Variants in RP1 observed in about 807,000 individuals in gnomAD.
RP1 encodes the protein oxygen-regulated protein 1.
Under a neutral mutation model 14.8 loss-of-function variants are expected in RP1, and 16 were observed. The ratio of observed to expected loss-of-function variants is 1.08; its 90% CI spans 0.73 to 1.65. The LOEUF (loss-of-function observed/expected upper bound fraction) is 1.65, where lower values mean the gene tolerates loss of function less well. Ranked by LOEUF, RP1 falls within the 40% of genes most tolerant of loss-of-function variation. RP1 has a pLI of 0.00. For synonymous variants in RP1, 876 were observed against 883.6 expected, an observed-to-expected ratio of 0.99 and a Z score of 0.15; for missense variants, 2,631 against 2,535.0, an observed-to-expected ratio of 1.04 and a Z score of -0.81.
At chr8:54,821,163 A>G (rs1031216618) in intron 24 of RP1, among the ~76,000 whole-genome samples, 3 of 152,212 alleles carry the variant, frequency 2.0e-5, no homozygotes, top group Non-Finnish European at 2.9e-5. Context: ...CAGAGAACAA[A>G]TGGTAAATAA....
intron 4 of RP1, chr8:54,649,214 A>G: frequency 8.1e-7 from 1 of 1,227,658 alleles, no homozygotes; most frequent in Admixed American, 3.5e-5. Flanking sequence ...CTTTGGAATG[A>G]ACATAGTCTA....
chr8:54,753,805 G>T (rs965707916), intron 19 of RP1, among the ~76,000 whole-genome samples: 4 of 152,156 alleles, frequency 2.6e-5, no homozygotes, highest in Non-Finnish European at 5.9e-5. Context: ...CTTGAAACAG[G>T]CTAAAGGCAG....
chr8:54,837,313 T>C (rs775323676), intron 24 of RP1: 1 of 400,678 alleles, frequency 2.5e-6, no homozygotes, highest in Non-Finnish European at 4.4e-6. Flanking sequence ...TTCATGGTGT[T>C]AGAAGTAACT....
Position 54,621,547 on chromosome 8 carries a change from C to G in RP1, c.581C>G (p.Pro194Arg). Residue 194 changes from proline to arginine, a missense_variant, in exon 2 of 4, where the codon CCT becomes CGT. Physicochemically the swap from Pro to Arg is moderately radical, Grantham distance 103 (BLOSUM62 -2). Transcript: ENST00000220676. ...CACCTGACAGAGGTCATGCAGCGCCCTGTGGTCAAGCTGTACGCTACGGAC... is the reference window on the plus strand; with the variant it reads ...CACCTGACAGAGGTCATGCAGCGCCGTGTGGTCAAGCTGTACGCTACGGAC... The part of the protein sequence containing the change: ...LQHLTEVMQR[P>R]VVKLYATDGR... The G allele has an allele frequency of 6.2e-7, 1 of 1,614,186 alleles. No individual in the cohort carries two copies. The highest frequency in any genetic ancestry group is 8.5e-7 in the Non-Finnish European group (1 of 1,180,038).
chr8:54,645,558 T>C (rs1379864370), intron 3 of RP1, among the ~76,000 whole-genome samples: 2 of 152,140 alleles, frequency 1.3e-5, no homozygotes, highest in Non-Finnish European at 2.9e-5. Context: ...AAACTTGCAT[T>C]TCTGGAATAA....
intron 3 of RP1, among the ~76,000 whole-genome samples, chr8:54,622,854 A>G (rs963339366): frequency 7.9e-5 from 12 of 152,218 alleles, no homozygotes; most frequent in Admixed American, 6.5e-4. Flanking sequence ...GCTGTGTAGC[A>G]TTATCCTTTG....
At chr8:54,681,810 T>C (rs908772968) in intron 12 of RP1, among the ~76,000 whole-genome samples, 1 of 152,140 alleles carries the variant, frequency 6.6e-6, no homozygotes, top group African/African-American at 2.4e-5. Context: ...TTTCTGTTCC[T>C]GGATTAGTTT....
chr8:54,694,016 T>A (rs1433185576), intron 12 of RP1, among the ~76,000 whole-genome samples: 1 of 152,022 alleles, frequency 6.6e-6, no homozygotes, highest in Admixed American at 6.6e-5. Flanking sequence ...TTATTGAGAG[T>A]TTTTAGCATG....
chr8:54,666,507 CT>C (rs1276708031), intron 7 of RP1, among the ~76,000 whole-genome samples: 1 of 151,882 alleles, frequency 6.6e-6, no homozygotes, highest in Non-Finnish European at 1.5e-5. Flanking sequence ...AGTTGGGATG[CT>C]CAGTGTGTGG....
In RP1 at chr8:54,708,226, C is replaced by T. The variant is rs543814939; in HGVS notation, c.2211+1571C>T. On this transcript the variant is annotated intron_variant, in intron 15 of 22. Transcript: ENST00000636932. ...TTTCTAGAGGCACAGGTAAGTGTCA[C>T]TCCAAAGTGGGAAATGGGTCAACAT... 2.5e-3 allele frequency among the ~76,000 whole-genome samples: 374 copies of T among 152,290 alleles called. 2 individuals are homozygous for T. Among genetic ancestry groups the T allele is most frequent in the Non-Finnish European group, 4.1e-3 (282 of 68,028 alleles).
chr8:54,785,950 T>A (rs1326628377), intron 24 of RP1, among the ~76,000 whole-genome samples: 2 of 152,050 alleles, frequency 1.3e-5, no homozygotes, highest in African/African-American at 4.8e-5. Flanking sequence ...ATTAATGAGT[T>A]TAAGAGTTCG....
At chr8:54,661,260 G>C (rs1037302612) in intron 6 of RP1, among the ~76,000 whole-genome samples, 11 of 65,140 alleles carry the variant, frequency 1.7e-4, no homozygotes, top group Non-Finnish European at 3.3e-4. Context: ...ATATATAAAT[G>C]ATATATATAA....
intron 24 of RP1, among the ~76,000 whole-genome samples, chr8:54,834,336 G>A (rs2129402052): frequency 6.6e-6 from 1 of 152,034 alleles, no homozygotes; most frequent in South Asian, 2.1e-4. Flanking sequence ...TTCTGTGCAG[G>A]GAAAAACCCA....
chr8:54,816,929 C>A (rs1811146061), intron 24 of RP1, among the ~76,000 whole-genome samples: 1 of 151,936 alleles, frequency 6.6e-6, no homozygotes, highest in South Asian at 2.1e-4. Context: ...GGTAGTGAGC[C>A]CCTCTGCTTG....
chr8:54,789,879 G>T (rs761843786), intron 24 of RP1, among the ~76,000 whole-genome samples: 1 of 152,120 alleles, frequency 6.6e-6, no homozygotes, highest in South Asian at 2.1e-4. Context: ...ACACAGCCTT[G>T]ACCCTACCCA....
chr8:54,756,802 A>T (rs1809517427), intron 21 of RP1, among the ~76,000 whole-genome samples: 1 of 152,162 alleles, frequency 6.6e-6, no homozygotes, highest in Admixed American at 6.5e-5. Context: ...GGCTGCCAGC[A>T]TGTATCATTT....
At chr8:54,567,190 A>G (rs1804427792) in intron 1 of RP1, among the ~76,000 whole-genome samples, 1 of 152,180 alleles carries the variant, frequency 6.6e-6, no homozygotes, top group Admixed American at 6.5e-5. Context: ...AATATAGGCA[A>G]CTATTTTGTC....
At chr8:54,597,339 C>T (rs1161947229) in intron 1 of RP1, among the ~76,000 whole-genome samples, 1 of 152,156 alleles carries the variant, frequency 6.6e-6, no homozygotes, top group Non-Finnish European at 1.5e-5. Context: ...AAAGCATTAA[C>T]ATGCCTGGTA....
At chr8:54,832,187 T>A (rs921559785) in intron 24 of RP1, among the ~76,000 whole-genome samples, 3 of 151,872 alleles carry the variant, frequency 2.0e-5, no homozygotes, top group Admixed American at 2.0e-4. Flanking sequence ...TTGCTGTTTT[T>A]CACCAAAGTT....
Sources: allele counts gnomAD v4.1 joint callset (sites outside exome capture counted in the v4.1 genomes callset), GRCh38; gene constraint gnomAD v4.1.1; transcripts MANE v1.5; gene names NCBI Gene and HGNC (gene_info 2026-07-23, HGNC 2026-07-21).